Variants in MYRFL observed in about 807,000 individuals in gnomAD.
MYRFL encodes myelin regulatory factor-like protein.
MYRFL carries 88 observed loss-of-function variants against 109.4 expected under a neutral mutation model. That is an observed-to-expected ratio of 0.80 (90% CI 0.68 to 0.96). The LOEUF (loss-of-function observed/expected upper bound fraction) is 0.96, where lower values mean the gene tolerates loss of function less well. Among genes scored for constraint, MYRFL ranks in the 40% least tolerant of loss-of-function variants. The pLI, the probability that MYRFL is intolerant of heterozygous loss-of-function variation, is 0.00. For synonymous variants in MYRFL, 324 were observed against 320.9 expected (o/e 1.01, Z -0.10); for missense variants, 957 against 954.9 (o/e 1.00, Z -0.03).
intron 2 of MYRFL, among the ~76,000 whole-genome samples, chr12:69,866,762 G>T (rs1885040902): frequency 6.6e-6 from 1 of 152,118 alleles, no homozygotes; most frequent in Non-Finnish European, 1.5e-5. Context: ...TTAAAACATT[G>T]CATTATTGGC....
rs112830788 is a variant in MYRFL, at chr12:69,853,846, G to T, written c.47-1434G>T. 8.9e-3 allele frequency among the ~76,000 whole-genome samples: 1,326 copies of T among 149,586 alleles called. 15 individuals carry two copies. Among genetic ancestry groups the T allele is most frequent in the African/African-American group, 0.031 (1,246 of 40,504 alleles). On this transcript the variant is annotated intron_variant, in intron 1 of 24. Coordinates refer to ENST00000552032, the MANE Select transcript of MYRFL (RefSeq NM_182530.3). ...GACGGGATCGCGGCCGGGAAGAGGC[G>T]CTCCTCATTTCCCAGACTGGGCGGT...
At chr12:69,827,696 T>C (rs1382944257) in intron 1 of MYRFL, among the ~76,000 whole-genome samples, 1 of 152,132 alleles carries the variant, frequency 6.6e-6, no homozygotes, top group African/African-American at 2.4e-5. Context: ...ATTATGGTTC[T>C]AACATATAAT....
intron 13 of MYRFL, 108 bp downstream of exon 13, chr12:69,911,038 A>G (rs1005615449): frequency 6.2e-6 from 4 of 647,470 alleles, no homozygotes; most frequent in Non-Finnish European, 1.0e-5. Context: ...TGGGACATTA[A>G]AATAATTCTT....
At chr12:69,958,183 C>T in intron 23 of MYRFL, 66 bp from the exon 24 acceptor site, 5 of 1,364,050 alleles carry the variant, frequency 3.7e-6, no homozygotes, top group Non-Finnish European at 5.0e-6. Flanking sequence ...CTTTTTCAGC[C>T]TGTACTCTTT....
intron 1 of MYRFL, among the ~76,000 whole-genome samples, chr12:69,829,667 G>T (rs551676000): frequency 6.6e-6 from 1 of 152,258 alleles, no homozygotes; most frequent in South Asian, 2.1e-4. Flanking sequence ...ACTGTATGAA[G>T]AGGGAAAACT....
chr12:69,939,833 C>T (rs1485422587), intron 19 of MYRFL, among the ~76,000 whole-genome samples: 1 of 152,100 alleles, frequency 6.6e-6, no homozygotes, highest in South Asian at 2.1e-4. Flanking sequence ...ATAACCAATA[C>T]AGAGAAGTGC....
intron 2 of MYRFL, among the ~76,000 whole-genome samples, chr12:69,856,472 A>G (rs1330019215): frequency 1.3e-5 from 2 of 152,118 alleles, no homozygotes; most frequent in African/African-American, 4.8e-5. Context: ...CTGTAAAAAT[A>G]TCCACATTTT....
chr12:69,935,914 T>C, intron 16 of MYRFL, 199 bp from the exon 17 acceptor site: 1 of 622,594 alleles, frequency 1.6e-6, no homozygotes, highest in Non-Finnish European at 2.7e-6. Context: ...CTCTGAGCTC[T>C]TTTTCTCTCC....
chr12:69,895,332 T>C (rs7979309), intron 8 of MYRFL, 39 bp from the exon 9 acceptor site: 448,091 of 1,405,428 alleles, frequency 0.32, 74,586 homozygotes, highest in African/African-American at 0.36. Context: ...GGTGTTCTCT[T>C]ATAGTCTCTT....
At chr12:69,827,289 T>TA (rs1483366539) in intron 1 of MYRFL, among the ~76,000 whole-genome samples, 3 of 152,004 alleles carry the variant, frequency 2.0e-5, no homozygotes, top group Non-Finnish European at 2.9e-5. Flanking sequence ...ATTTTTATAT[T>TA]AAAAATTATC....
chr12:69,952,313 G>A lies in MYRFL; in HGVS notation c.2287+138G>A, dbSNP rs570134834. On this transcript the variant is annotated intron_variant, in intron 20 of 24. Transcript: ENST00000552032. Reference sequence around the variant, plus strand: ...GCCACGCATATCCATGGGACTGTGTGTTATAATCGATGCCACCCTAACCAC... The same window carrying A: ...GCCACGCATATCCATGGGACTGTGTATTATAATCGATGCCACCCTAACCAC... 5.5e-4 allele frequency: 403 copies of A among 729,884 alleles called. 3 individuals are homozygous for A. The African/African-American group carries it at 5.8e-3, about 11-fold the overall frequency. 45.2% of individuals were successfully genotyped at this position (729,884 alleles called of 1,614,324 possible). A position where few individuals can be genotyped will look rare whatever the true frequency, so the allele number is the denominator to read the frequency against.
intron 17 of MYRFL, 21 bp downstream of exon 17, chr12:69,936,208 T>G (rs1955460336): frequency 1.3e-6 from 2 of 1,535,506 alleles, no homozygotes; most frequent in Non-Finnish European, 1.7e-6. Context: ...AGTTCAATTT[T>G]CTGGCCTAAA....
At chr12:69,894,425 A>T (rs1023572996) in intron 8 of MYRFL, among the ~76,000 whole-genome samples, 1 of 152,238 alleles carries the variant, frequency 6.6e-6, no homozygotes, top group Admixed American at 6.5e-5. Flanking sequence ...TGTTATTTTC[A>T]TATTGTTTAT....
chr12:69,901,028 G>A (rs1478052531), intron 10 of MYRFL, among the ~76,000 whole-genome samples: 1 of 152,156 alleles, frequency 6.6e-6, no homozygotes, highest in Non-Finnish European at 1.5e-5. Context: ...AACCCTATGA[G>A]GTGGGTAAAG....
intron 13 of MYRFL, among the ~76,000 whole-genome samples, chr12:69,917,313 A>G (rs1162868844): frequency 6.6e-6 from 1 of 150,726 alleles, no homozygotes; most frequent in Non-Finnish European, 1.5e-5. Flanking sequence ...CTGTAAACAA[A>G]CTGTAAACTT....
chr12:69,910,949 T>A lies in MYRFL; in HGVS notation c.1602+19T>A. ...GGATAAGGTAATCACTGAAAAGATA[T>A]CAGCTGCTATAAGCTATCAGTCTAG... On this transcript the variant is annotated intron_variant, in intron 13 of 24. Transcript: ENST00000552032. 1 of 1,494,970 alleles carries A rather than the reference T, an allele frequency of 6.7e-7. No individual in the cohort carries two copies. Among genetic ancestry groups the A allele is most frequent in the Non-Finnish European group, 9.0e-7 (1 of 1,110,380 alleles). 92.6% of individuals were successfully genotyped at this position (1,494,970 alleles called of 1,614,324 possible). A position where few individuals can be genotyped will look rare whatever the true frequency, so the allele number is the denominator to read the frequency against.
Position 69,914,020 on chromosome 12 carries a change from G to T in MYRFL, c.1602+3090G>T, listed in dbSNP as rs544455717. Among the ~76,000 whole-genome samples, 272 of 152,208 alleles carry T rather than the reference G, an allele frequency of 1.8e-3. 1 individual carries two copies. Among genetic ancestry groups the T allele is most frequent in the Admixed American group, 4.2e-3 (64 of 15,292 alleles). ...TATTGTACAAATCTTTTACCATGTTGCTTAGTTAATTCACAAGAGTCTTAT... is the reference window on the plus strand; with the variant it reads ...TATTGTACAAATCTTTTACCATGTTTCTTAGTTAATTCACAAGAGTCTTAT... On this transcript the variant is annotated intron_variant, in intron 13 of 24. Transcript: ENST00000552032.
At chr12:69,840,865 T>C (rs17225708) in intron 1 of MYRFL, among the ~76,000 whole-genome samples, 16,403 of 152,208 alleles carry the variant, frequency 0.11, 1,217 homozygotes, top group Middle Eastern at 0.18. Flanking sequence ...CACGTGGGGG[T>C]TGCCATCCTG....
intron 13 of MYRFL, among the ~76,000 whole-genome samples, chr12:69,923,094 A>C (rs907251348): frequency 6.6e-6 from 1 of 152,226 alleles, no homozygotes; most frequent in African/African-American, 2.4e-5. Flanking sequence ...AGGATTTTGG[A>C]TGCTTTTAAA....
Sources: allele counts gnomAD v4.1 joint callset (sites outside exome capture counted in the v4.1 genomes callset), GRCh38; gene constraint gnomAD v4.1.1; transcripts MANE v1.5; gene names NCBI Gene and HGNC (gene_info 2026-07-23, HGNC 2026-07-21).